Variants in MFSD11 observed in about 807,000 individuals in gnomAD.
The protein encoded by MFSD11 is major facilitator superfamily domain containing 11, also known as UNC93-like protein MFSD11.
A neutral mutation model predicts 53.5 loss-of-function variants in MFSD11; 36 were observed. The observed-to-expected ratio is 0.67, with a 90% confidence interval of 0.52 to 0.89. MFSD11 has a LOEUF of 0.89. Ranked by LOEUF, MFSD11 falls within the 40% of genes least tolerant of loss-of-function variation. MFSD11 has a pLI of 0.00. For synonymous variants in MFSD11, 186 were observed against 184.9 expected, an observed-to-expected ratio of 1.01 and a Z score of -0.05; for missense variants, 530 against 543.9, an observed-to-expected ratio of 0.97 and a Z score of 0.25.
intron 8 of MFSD11, among the ~76,000 whole-genome samples, chr17:76,761,707 G>A (rs552073189): frequency 8.6e-5 from 13 of 151,014 alleles, no homozygotes; most frequent in African/African-American, 3.2e-4. Flanking sequence ...CGGATCATGA[G>A]GTCAGGAGAT....
At chr17:76,781,255 A>G (rs905537326), downstream of MFSD11, 2 of 152,224 alleles carry the variant, frequency 1.3e-5, no homozygotes, top group African/African-American at 4.8e-5. Flanking sequence ...GCTATTGGCT[A>G]AAGATCGCCC....
At chr17:76,762,223 T>C (rs2080328280) in intron 8 of MFSD11, among the ~76,000 whole-genome samples, 2 of 152,206 alleles carry the variant, frequency 1.3e-5, no homozygotes, top group South Asian at 2.1e-4. Flanking sequence ...ATGTGGTCTT[T>C]AGTGCCTGGT....
chr17:76,737,347 C>T (rs1568029461), upstream of MFSD11: 4 of 735,948 alleles, frequency 5.4e-6, no homozygotes, highest in East Asian at 8.5e-5. Flanking sequence ...GGCAGCCGGC[C>T]TCTGCGCCCG....
Position 76,775,001 on chromosome 17 carries a change from A to T in MFSD11, c.879A>T (p.Gly293=). Residue 293 remains glycine (G), a synonymous_variant, in exon 11 of 13, where the codon GGA becomes GGT. Coordinates refer to ENST00000685175, the MANE Select transcript of MFSD11 (RefSeq NM_001242532.5). ...TTCTGCCATCTTGACTTATAGGTGGAAGCCTCTTCGGCCTGCTGAGCAAGA... is the reference window on the plus strand; with the variant it reads ...TTCTGCCATCTTGACTTATAGGTGGTAGCCTCTTCGGCCTGCTGAGCAAGA... ...IFIGIGEILG[G]SLFGLLSKNN... 1 of 1,613,448 alleles carries T rather than the reference A, an allele frequency of 6.2e-7. No homozygotes were observed. Among genetic ancestry groups the T allele is most frequent in the Non-Finnish European group, 8.5e-7 (1 of 1,179,654 alleles).
At chr17:76,761,693 C>T (rs569912839) in intron 8 of MFSD11, among the ~76,000 whole-genome samples, 7 of 151,262 alleles carry the variant, frequency 4.6e-5, no homozygotes, top group South Asian at 2.1e-4. Flanking sequence ...GAGGCCGAGG[C>T]GGGCGGATCA....
chr17:76,741,888 A>C, intron 3 of MFSD11, 81 bp from the exon 4 acceptor site: 1 of 1,605,514 alleles, frequency 6.2e-7, no homozygotes, highest in Non-Finnish European at 8.5e-7. Flanking sequence ...AGAGAATGTC[A>C]GAACTGATTC....
intron 8 of MFSD11, among the ~76,000 whole-genome samples, chr17:76,756,486 C>G (rs1454289863): frequency 6.6e-6 from 1 of 152,188 alleles, no homozygotes; most frequent in Non-Finnish European, 1.5e-5. Context: ...TATACTCTGA[C>G]TCCCTTAGCA....
At chr17:76,783,334 T>A (rs1162487492), downstream of MFSD11, among the ~76,000 whole-genome samples, 1 of 152,160 alleles carries the variant, frequency 6.6e-6, no homozygotes, top group Non-Finnish European at 1.5e-5. Context: ...AGTTTCATAT[T>A]GTCTATATTT....
At chr17:76,751,771 A>G (rs1321316031) in intron 7 of MFSD11, among the ~76,000 whole-genome samples, 2 of 152,138 alleles carry the variant, frequency 1.3e-5, no homozygotes, top group Non-Finnish European at 2.9e-5. Context: ...CTTTCTTATA[A>G]TCTTATTAAC....
At chr17:76,795,975 A>G in the MFSD11 span, among the ~76,000 whole-genome samples, 60 of 152,116 alleles carry the variant, frequency 3.9e-4, 1 homozygote, top group South Asian at 0.012. Context: ...GATCAGGCCC[A>G]TACTTCTTTG....
chr17:76,747,460 G>T (rs1415759379), intron 7 of MFSD11, among the ~76,000 whole-genome samples: 1 of 151,910 alleles, frequency 6.6e-6, no homozygotes, highest in East Asian at 1.9e-4. Flanking sequence ...TCAGCCTCCC[G>T]AGTAGCTGGG....
chr17:76,748,902 C>G (rs759317889), intron 7 of MFSD11, among the ~76,000 whole-genome samples: 1 of 152,024 alleles, frequency 6.6e-6, no homozygotes, highest in Non-Finnish European at 1.5e-5. Flanking sequence ...CTCTCTCCCA[C>G]CCTCCCTTCC....
intron 11 of MFSD11, among the ~76,000 whole-genome samples, chr17:76,775,996 G>A (rs935414720): frequency 6.6e-5 from 10 of 151,768 alleles, no homozygotes; most frequent in African/African-American, 2.4e-4. Context: ...TATTTATTTT[G>A]AGACAGAGTC....
intron 8 of MFSD11, among the ~76,000 whole-genome samples, chr17:76,766,446 CTAAA>C (rs2080866481): frequency 6.6e-6 from 1 of 150,476 alleles, no homozygotes; most frequent in South Asian, 2.1e-4. Context: ...AGAAAGAAAC[CTAAA>C]TAAATAAATA....
intron 9 of MFSD11, among the ~76,000 whole-genome samples, chr17:76,767,781 A>G (rs1163258819): frequency 6.6e-6 from 1 of 152,198 alleles, no homozygotes; most frequent in Non-Finnish European, 1.5e-5. Context: ...GGCAACAGGA[A>G]AGAATACCAG....
chr17:76,769,157 T>C (rs2081159312), intron 9 of MFSD11: 1 of 152,332 alleles, frequency 6.6e-6, no homozygotes, highest in Non-Finnish European at 1.5e-5. Flanking sequence ...ATTTGAGTTG[T>C]ATACTTTTAC....
chr17:76,774,803 G>A (rs932088133), intron 10 of MFSD11, among the ~76,000 whole-genome samples, 194 bp from the exon 11 acceptor site: 1 of 152,206 alleles, frequency 6.6e-6, no homozygotes, highest in African/African-American at 2.4e-5. Context: ...AAGTCATTTT[G>A]ATACCTTACT....
chr17:76,782,906 C>A (rs1012509111), downstream of MFSD11, among the ~76,000 whole-genome samples: 1 of 151,846 alleles, frequency 6.6e-6, no homozygotes, highest in Non-Finnish European at 1.5e-5. Flanking sequence ...GGGCCAGGCA[C>A]GGTGGCTCAC....
the MFSD11 span, among the ~76,000 whole-genome samples, chr17:76,787,240 A>G: frequency 6.8e-6 from 1 of 147,184 alleles, no homozygotes; most frequent in Non-Finnish European, 1.5e-5. Flanking sequence ...GGTTCAAGCG[A>G]TTTTCCTGCC....
Sources: allele counts gnomAD v4.1 joint callset (sites outside exome capture counted in the v4.1 genomes callset), GRCh38; gene constraint gnomAD v4.1.1; transcripts MANE v1.5; gene names NCBI Gene and HGNC (gene_info 2026-07-23, HGNC 2026-07-21).